UBE2E2: variants seen among roughly 807,000 people sequenced by gnomAD.
UBE2E2 encodes the protein ubiquitin conjugating enzyme E2 E2.
Under a neutral mutation model 24.7 loss-of-function variants are expected in UBE2E2, and 6 were observed. The ratio of observed to expected loss-of-function variants is 0.24; its 90% confidence interval spans 0.13 to 0.48. The LOEUF is 0.48. Among genes scored for constraint, UBE2E2 ranks in the 20% least tolerant of loss-of-function variants. The probability of loss-of-function intolerance (pLI) is 0.99; values close to 1 mark genes in which losing one functional copy is unlikely to be tolerated. For synonymous variants in UBE2E2, 104 were observed against 83.6 expected (o/e 1.24, Z -1.33); for missense variants, 169 against 245.0 (o/e 0.69, Z 2.07).
chr3:23,266,478 C>G (rs1181183091), intron 3 of UBE2E2, among the ~76,000 whole-genome samples: 1 of 152,120 alleles, frequency 6.6e-6, no homozygotes, highest in Non-Finnish European at 1.5e-5. Flanking sequence ...CCCCCCCTCT[C>G]TTCTGGCTTG....
At chr3:23,548,697 C>G (rs1347322002) in intron 5 of UBE2E2, among the ~76,000 whole-genome samples, 2 of 152,182 alleles carry the variant, frequency 1.3e-5, no homozygotes, top group African/African-American at 4.8e-5. Flanking sequence ...ACGTGCTGCT[C>G]TCCTCCTTAA....
intron 3 of UBE2E2, among the ~76,000 whole-genome samples, chr3:23,473,356 T>A (rs536157701): frequency 9.2e-5 from 14 of 152,204 alleles, no homozygotes; most frequent in African/African-American, 3.4e-4. Flanking sequence ...TTACTGATTA[T>A]CCCCAGGGGT....
chr3:23,459,895 GA>G (rs898567486), intron 3 of UBE2E2, among the ~76,000 whole-genome samples: 4 of 152,008 alleles, frequency 2.6e-5, no homozygotes, highest in African/African-American at 4.8e-5. Context: ...AAAGGGGAAT[GA>G]AAAAAAATTA....
chr3:23,299,689 G>A (rs1272384532), intron 3 of UBE2E2, among the ~76,000 whole-genome samples: 1 of 152,168 alleles, frequency 6.6e-6, no homozygotes, highest in African/African-American at 2.4e-5. Flanking sequence ...TTGCTGAGGT[G>A]TGCTTTACTT....
chr3:23,276,695 T>G (rs1698381389), intron 3 of UBE2E2, among the ~76,000 whole-genome samples: 1 of 152,066 alleles, frequency 6.6e-6, no homozygotes, highest in African/African-American at 2.4e-5. Flanking sequence ...TTGAAGTCTT[T>G]AATAATTATT....
intron 3 of UBE2E2, among the ~76,000 whole-genome samples, chr3:23,330,051 A>G (rs890260962): frequency 1.3e-5 from 2 of 152,356 alleles, no homozygotes; most frequent in Admixed American, 1.3e-4. Flanking sequence ...ATGCTACCCC[A>G]TACATTTTAG....
intron 3 of UBE2E2, among the ~76,000 whole-genome samples, chr3:23,396,793 ATGT>A (rs1167037744): frequency 1.3e-5 from 2 of 152,194 alleles, no homozygotes; most frequent in East Asian, 1.9e-4. Flanking sequence ...CACTCAATAA[ATGT>A]TGTTATTCTT....
intron 3 of UBE2E2, among the ~76,000 whole-genome samples, chr3:23,262,852 A>G (rs1697941044): frequency 6.6e-6 from 1 of 151,940 alleles, no homozygotes; most frequent in Admixed American, 6.6e-5. Context: ...TGTCAAGGAG[A>G]TTTTTCCATA....
chr3:23,255,040 C>T (rs764577837), intron 3 of UBE2E2, among the ~76,000 whole-genome samples: 8 of 144,228 alleles, frequency 5.5e-5, no homozygotes, highest in East Asian at 2.1e-4. Flanking sequence ...AAGAACAGTT[C>T]GTTGAGAAAT....
rs538543507 is a variant in UBE2E2 at position 23,587,913 on chromosome 3, T to C, written c.509-1821T>C. On this transcript the variant is annotated intron_variant, in intron 5 of 5. Transcript: ENST00000396703. ...ACTAAGTAGTCTACTAATTGTGATA[T>C]AAGTGAATGTAGGAAACTGGCTTCT... 3.9e-5 allele frequency among the ~76,000 whole-genome samples: 6 copies of C among 152,346 alleles called. No individual in the cohort carries two copies. In the East Asian group the frequency reaches 1.2e-3, roughly 29 times the overall value.
chr3:23,507,050 A>C (rs934509611), intron 4 of UBE2E2, among the ~76,000 whole-genome samples: 1 of 152,190 alleles, frequency 6.6e-6, no homozygotes, highest in Non-Finnish European at 1.5e-5. Flanking sequence ...CGTCCACAGA[A>C]CAGTTTTCAA....
At chr3:23,317,937 A>T (rs549810276) in intron 3 of UBE2E2, among the ~76,000 whole-genome samples, 2 of 151,980 alleles carry the variant, frequency 1.3e-5, no homozygotes, top group African/African-American at 4.8e-5. Flanking sequence ...TTTAGTTCTT[A>T]TGAAGGTGCT....
chr3:23,246,474 A>G (rs916567401), intron 3 of UBE2E2, among the ~76,000 whole-genome samples: 1 of 144,578 alleles, frequency 6.9e-6, no homozygotes, highest in Non-Finnish European at 1.5e-5. Context: ...TGACCTCATG[A>G]TCCGCCCACC....
chr3:23,228,887 A>G (rs908309551), intron 3 of UBE2E2, among the ~76,000 whole-genome samples: 5 of 152,194 alleles, frequency 3.3e-5, no homozygotes, highest in African/African-American at 2.4e-5. Context: ...ACTTTCGCCT[A>G]TTTGGAAGAT....
In UBE2E2 at chr3:23,428,928, T is replaced by TAAA. The variant is rs34525850; in HGVS notation, c.228-70658_228-70656dup. 7.7e-3 allele frequency among the ~76,000 whole-genome samples: 581 copies of TAAA among 75,846 alleles called. 9 individuals carry two copies. The highest frequency in any genetic ancestry group is 0.023 in the African/African-American group (412 of 18,254). 49.8% of individuals were successfully genotyped at this position (75,846 alleles called of 152,430 possible). On this transcript the variant is annotated intron_variant, in intron 3 of 5. Transcript: ENST00000396703. ...GGCAACAAAGTGAGACTCTGTCTCT[T>TAAA]AAAAAAAAAAAAAAAAAAAAAAAAG...
At chr3:23,479,328 C>T (rs1575656883) in intron 3 of UBE2E2, among the ~76,000 whole-genome samples, 1 of 152,326 alleles carries the variant, frequency 6.6e-6, no homozygotes, top group South Asian at 2.1e-4. Context: ...GTGGCTAGAT[C>T]AGACGTACCA....
chr3:23,333,938 AACTTAAGATCT>A (rs922720917), intron 3 of UBE2E2, among the ~76,000 whole-genome samples: 1 of 152,212 alleles, frequency 6.6e-6, no homozygotes, highest in African/African-American at 2.4e-5. Context: ...CAGATCATAG[AACTTAAGATCT>A]CATGTTCTTT....
At chr3:23,471,361 C>T (rs1699030054) in intron 3 of UBE2E2, among the ~76,000 whole-genome samples, 1 of 152,112 alleles carries the variant, frequency 6.6e-6, no homozygotes, top group African/African-American at 2.4e-5. Flanking sequence ...GCTAAGTATC[C>T]TTATAAACCC....
rs1696523596 is a variant in UBE2E2, at chr3:23,583,001, C to T, written c.509-6733C>T. Among the ~76,000 whole-genome samples the T allele has an allele frequency of 6.6e-6, 1 of 151,814 alleles. No individual in the cohort carries two copies. Among genetic ancestry groups the T allele is most frequent in the South Asian group, 2.1e-4 (1 of 4,804 alleles). ...TGGAGTCTTCATCATGGAATTTTTG[C>T]CAGGGCCTGTGTCCAGAATGGTATT... On this transcript the variant is annotated intron_variant, in intron 5 of 5. Transcript: ENST00000396703. The surrounding 1 kb of genome is among the most constrained non-coding windows in gnomAD (Gnocchi z 4.1).
Sources: allele counts gnomAD v4.1 joint callset (sites outside exome capture counted in the v4.1 genomes callset), GRCh38; gene constraint gnomAD v4.1.1; non-coding constraint Gnocchi (gnomAD v3.1); transcripts MANE v1.5; gene names NCBI Gene and HGNC (gene_info 2026-07-23, HGNC 2026-07-21).